Variants in PRKN observed in about 807,000 individuals in gnomAD.
The protein encoded by PRKN is parkin RBR E3 ubiquitin protein ligase.
PRKN carries 56 observed loss-of-function variants against 59.5 expected under a neutral mutation model. The ratio of observed to expected loss-of-function variants is 0.94; its 90% confidence interval spans 0.76 to 1.18. PRKN has a LOEUF of 1.18. PRKN is among the 50% of genes most tolerant of loss of function. PRKN has a pLI of 0.00. For synonymous variants in PRKN, 250 were observed against 222.1 expected (o/e 1.13, Z -1.12); for missense variants, 657 against 596.4 (o/e 1.10, Z -1.06).
At chr6:162,635,874 T>G (rs963600854) in intron 1 of PRKN, among the ~76,000 whole-genome samples, 1 of 152,144 alleles carries the variant, frequency 6.6e-6, no homozygotes. Flanking sequence ...CTATTTTGTG[T>G]GCACTGCTCT....
chr6:162,104,938 A>G (rs1053005910), intron 4 of PRKN, among the ~76,000 whole-genome samples: 1 of 152,240 alleles, frequency 6.6e-6, no homozygotes, highest in Non-Finnish European at 1.5e-5. Flanking sequence ...TAAGGATAAA[A>G]GGACTAGTTC....
At chr6:162,298,962 TC>T (rs1255118534) in intron 2 of PRKN, among the ~76,000 whole-genome samples, 1 of 151,944 alleles carries the variant, frequency 6.6e-6, no homozygotes, top group Non-Finnish European at 1.5e-5. Flanking sequence ...AGGGCCTGGT[TC>T]CAGCCCCCGC....
At chr6:162,184,988 G>A (rs1783963394) in intron 4 of PRKN, among the ~76,000 whole-genome samples, 1 of 152,064 alleles carries the variant, frequency 6.6e-6, no homozygotes, top group Non-Finnish European at 1.5e-5. Context: ...GCTCCTGACT[G>A]CCTTGGTCTT....
chr6:162,339,508 G>T (rs1276076575), intron 2 of PRKN, among the ~76,000 whole-genome samples: 16 of 142,962 alleles, frequency 1.1e-4, no homozygotes, highest in Non-Finnish European at 2.1e-4. Flanking sequence ...CCGTCCGGGA[G>T]GGAGGTGGGG....
Position 161,515,856 on chromosome 6 carries a change from A to G in PRKN, c.1083+32998T>C, listed in dbSNP as rs116562257. Among the ~76,000 whole-genome samples, 1,074 of 152,322 alleles carry G rather than the reference A, an allele frequency of 7.1e-3. 19 individuals carry two copies. The highest frequency in any genetic ancestry group is 0.025 in the African/African-American group (1,027 of 41,562). ...CCTAGTATAGCTGGATATTTAAAGA[A>G]AAGAAAAAAAAGAGAAGCTAATGGC... On this transcript the variant is annotated intron_variant, in intron 9 of 11. Transcript: ENST00000366898.
chr6:162,205,064 T>C (rs1370021404), intron 3 of PRKN, among the ~76,000 whole-genome samples: 2 of 151,998 alleles, frequency 1.3e-5, no homozygotes, highest in African/African-American at 2.4e-5. Context: ...GGTTTCACCA[T>C]GTTGGCCTGG....
intron 1 of PRKN, among the ~76,000 whole-genome samples, chr6:162,461,499 C>CAAAAAAAAAAAAAAAAAAAAAAAAA (rs780424226): frequency 2.5e-4 from 9 of 36,516 alleles, no homozygotes; most frequent in Admixed American, 5.7e-4. Context: ...TAAAGTGTCT[C>CAAAAAAAAAAAAAAAAAAAAAAAAA]AAAAAAAAAA....
intron 7 of PRKN, among the ~76,000 whole-genome samples, chr6:161,733,783 AATATATATATATATGTAT>A (rs1787829137): frequency 1.2e-5 from 1 of 86,228 alleles, no homozygotes; most frequent in South Asian, 3.4e-4. Flanking sequence ...AAAAAAAAAA[AATATATATATATATGTAT>A]ATATATATAT....
intron 5 of PRKN, among the ~76,000 whole-genome samples, chr6:162,019,922 G>A (rs909504170): frequency 1.3e-5 from 2 of 152,062 alleles, no homozygotes; most frequent in African/African-American, 4.8e-5. Flanking sequence ...AGGAGGCTGG[G>A]GCAGGAGAAT....
chr6:161,713,774 C>T (rs1363977198), intron 7 of PRKN, among the ~76,000 whole-genome samples: 1 of 152,132 alleles, frequency 6.6e-6, no homozygotes, highest in Non-Finnish European at 1.5e-5. Flanking sequence ...ACCCAAATCT[C>T]ATCTTGAATT....
chr6:161,849,918 T>C (rs1793355090), intron 6 of PRKN, among the ~76,000 whole-genome samples: 1 of 152,152 alleles, frequency 6.6e-6, no homozygotes, highest in Non-Finnish European at 1.5e-5. Context: ...AAGATCCTGG[T>C]CTAGATGAAG....
chr6:162,599,405 T>C (rs1410198957), intron 1 of PRKN, among the ~76,000 whole-genome samples: 2 of 152,100 alleles, frequency 1.3e-5, no homozygotes, highest in Non-Finnish European at 2.9e-5. Flanking sequence ...GTGTCTTTTG[T>C]CCAGAATCTG....
chr6:162,505,215 TATGTTCAAGTAAAC>T (rs1793557536), intron 1 of PRKN, among the ~76,000 whole-genome samples: 1 of 152,208 alleles, frequency 6.6e-6, no homozygotes, highest in African/African-American at 2.4e-5. Context: ...ACTATTTTCA[TATGTTCAAGTAAAC>T]ACGTACAAGG....
At chr6:161,389,576 G>C (rs1380169080) in intron 9 of PRKN, among the ~76,000 whole-genome samples, 1 of 152,208 alleles carries the variant, frequency 6.6e-6, no homozygotes, top group Non-Finnish European at 1.5e-5. Context: ...TCACTGAATA[G>C]TGAGTTGAGT....
At chr6:161,495,271 C>A (rs1007670362) in intron 9 of PRKN, among the ~76,000 whole-genome samples, 7 of 152,152 alleles carry the variant, frequency 4.6e-5, no homozygotes, top group Non-Finnish European at 1.0e-4. Flanking sequence ...CACTGCATTG[C>A]CCGGCATATC....
Position 161,588,245 on chromosome 6 carries a change from G to T in PRKN, c.872-18829C>A, listed in dbSNP as rs144306700. 3.0e-3 allele frequency among the ~76,000 whole-genome samples: 452 copies of T among 152,138 alleles called. 2 individuals carry two copies. Among genetic ancestry groups the T allele is most frequent in the African/African-American group, 0.01 (434 of 41,470 alleles). ...CTAAAAATGCAAAAATCAGCCAGGC[G>T]TGGTGGCTCATGCCTATAATCCCAG... On this transcript the variant is annotated intron_variant, in intron 7 of 11. Coordinates refer to ENST00000366898, the MANE Select transcript of PRKN (RefSeq NM_004562.3). This position sits in a 1 kb window ranked among gnomAD's most constrained non-coding sequence, Gnocchi z 5.0.
chr6:162,471,430 T>C (rs1791739478), intron 1 of PRKN, among the ~76,000 whole-genome samples: 2 of 152,300 alleles, frequency 1.3e-5, no homozygotes, highest in South Asian at 2.1e-4. Flanking sequence ...GAAGTTATCA[T>C]AGATAGAGCC....
At chr6:162,232,495 C>A (rs9355991) in intron 3 of PRKN, among the ~76,000 whole-genome samples, 7,517 of 152,236 alleles carry the variant, frequency 0.049, 241 homozygotes, top group African/African-American at 0.087. Flanking sequence ...AAAATGGACC[C>A]TTTTCCTCAG....
intron 7 of PRKN, among the ~76,000 whole-genome samples, chr6:161,777,749 A>T (rs1023592839): frequency 1.5e-5 from 2 of 131,974 alleles, no homozygotes; most frequent in African/African-American, 6.1e-5. Flanking sequence ...GTATATATAG[A>T]TATATATGTA....
Sources: allele counts gnomAD v4.1 joint callset (sites outside exome capture counted in the v4.1 genomes callset), GRCh38; gene constraint gnomAD v4.1.1; non-coding constraint Gnocchi (gnomAD v3.1); transcripts MANE v1.5; gene names NCBI Gene and HGNC (gene_info 2026-07-23, HGNC 2026-07-21).